Variants in KBTBD13 observed in about 807,000 individuals in gnomAD.
KBTBD13 encodes the protein kelch repeat and BTB domain containing 13, also known as kelch repeat and BTB domain-containing protein 13.
In KBTBD13, 32 loss-of-function variants were observed where a neutral mutation model predicts 25.4. The ratio of observed to expected loss-of-function variants is 1.26; its 90% confidence interval spans 0.95 to 1.69. The LOEUF is 1.69. Among genes scored for constraint, KBTBD13 ranks in the 40% most tolerant of loss-of-function variants. The pLI is 0.00. For missense variants in KBTBD13, 898 were observed against 679.5 expected, an observed-to-expected ratio of 1.32 and a Z score of -3.57; for synonymous variants, 436 against 329.8, an observed-to-expected ratio of 1.32 and a Z score of -3.49.
chr15:65,078,133 C>A lies in KBTBD13; in HGVS notation c.1318C>A (p.Leu440Ile). Residue 440 changes from leucine (L) to isoleucine (I), a missense_variant, in exon 1 of 1, where the codon CTC becomes ATC. By Grantham distance (5) the Leu-to-Ile change is conservative (BLOSUM62 2). Transcript: ENST00000432196. The stretch of plus-strand genomic sequence containing the variant: ...GCGGCCCGGCTCCTTGCAGACCTTT[C>A]TCCTAAGGCTGCCTCCTGGCGCTCC... ...FPRPGSLQTF[L>I]LRLPPGAPGP... 6.4e-7 allele frequency: 1 copy of A among 1,555,720 alleles called. No individual in the cohort carries two copies. The highest frequency in any genetic ancestry group is 2.4e-5 in the East Asian group (1 of 42,020).
chr15:65,076,929 C>T lies in KBTBD13; in HGVS notation c.114C>T (p.Ser38=), dbSNP rs771263021. ...HCGFFRGLFR[S]GMRETRAAEV... ...GCTTCTTCCGAGGCCTCTTCCGCTC[C>T]GGCATGCGGGAGACCCGCGCAGCAG... Residue 38 remains serine, a synonymous_variant, in exon 1 of 1, where the codon TCC becomes TCT. Coordinates refer to ENST00000432196, the MANE Select transcript of KBTBD13 (RefSeq NM_001101362.3). The T allele has an allele frequency of 3.2e-6, 5 of 1,558,054 alleles. No individual in the cohort carries two copies. The highest frequency in any genetic ancestry group is 2.4e-5 in the East Asian group (1 of 42,422).
Position 65,078,330 on chromosome 15 carries a change from G to A in KBTBD13, c.*138G>A. The A allele has an allele frequency of 8.1e-7, 1 of 1,240,832 alleles. No homozygotes were observed. 76.9% of individuals were successfully genotyped at this position (1,240,832 alleles called of 1,614,324 possible). A position where few individuals can be genotyped will look rare whatever the true frequency, so the allele number is the denominator to read the frequency against. On this transcript the variant is annotated 3_prime_UTR_variant, in exon 1 of 1. Coordinates refer to ENST00000432196, the MANE Select transcript of KBTBD13 (RefSeq NM_001101362.3). ...CACCCAGGTTTGGTGCCTTCTGGTG[G>A]TGTGGACATGTTCAAGAAGCTCAGG...
chr15:65,077,456 TG>T lies in KBTBD13; in HGVS notation c.647del (p.Gly216AlafsTer10), dbSNP rs1566960092. On this transcript the variant is annotated frameshift_variant, in exon 1 of 1. Transcript: ENST00000432196. LOFTEE classifies it high-confidence loss of function. Reference protein sequence around the residue: ...VATLGNKLYIVGGVRGASKEV... With the variant: ...VATLGNKLYIXGGVRGASKEV... ...ACGCTGGGCAACAAGCTTTACATCGTGGGGGGCGTGCGCGGCGCCAGCAAGG... is the reference window on the plus strand; with the variant it reads ...ACGCTGGGCAACAAGCTTTACATCGTGGGGGCGTGCGCGGCGCCAGCAAGG... 3.3e-6 allele frequency: 5 copies of T among 1,525,552 alleles called. No individual in the cohort carries two copies. The highest frequency in any genetic ancestry group is 2.8e-5 in the African/African-American group (2 of 72,628). The allele number at this position is 1,525,552 out of a possible 1,614,324, so 94.5% of individuals were successfully genotyped here. A position where few individuals can be genotyped will look rare whatever the true frequency, so the allele number is the denominator to read the frequency against.
Position 65,076,970 on chromosome 15 carries a change from T to C in KBTBD13, c.155T>C (p.Val52Ala). Residue 52 changes from valine to alanine, a missense_variant, in exon 1 of 1, where the codon GTT becomes GCT. Val to Ala is a moderately conservative substitution (Grantham distance 64). Coordinates refer to ENST00000432196, the MANE Select transcript of KBTBD13 (RefSeq NM_001101362.3). Reference protein sequence around the residue: ...ETRAAEVRLGVLSAGGFRATL... With the variant: ...ETRAAEVRLGALSAGGFRATL... ...CGCGCAGCAGAGGTGCGCCTGGGCG[T>C]TCTGAGCGCGGGAGGTTTCCGCGCC... The C allele has an allele frequency of 2.6e-6, 4 of 1,544,998 alleles. No individual in the cohort carries two copies. Among genetic ancestry groups the C allele is most frequent in the South Asian group, 1.2e-5 (1 of 84,598 alleles).
rs1027726798 is a variant in KBTBD13 at position 65,076,961 on chromosome 15, G to T, written c.146G>T (p.Arg49Leu). Reference sequence around the variant, plus strand: ...CGGGAGACCCGCGCAGCAGAGGTGCGCCTGGGCGTTCTGAGCGCGGGAGGT... The same window carrying T: ...CGGGAGACCCGCGCAGCAGAGGTGCTCCTGGGCGTTCTGAGCGCGGGAGGT... ...GMRETRAAEV[R>L]LGVLSAGGFR... is the part of the protein sequence containing the mutation. The change falls in exon 1 of 1, where the codon CGC becomes CTC. Residue 49 changes from arginine to leucine, a missense_variant. By Grantham distance (102) the Arg-to-Leu change is moderately radical (BLOSUM62 -2). Coordinates refer to ENST00000432196, the MANE Select transcript of KBTBD13 (RefSeq NM_001101362.3). 1.0e-4 allele frequency: 162 copies of T among 1,549,228 alleles called. No homozygotes were observed. Among genetic ancestry groups the T allele is most frequent in the Non-Finnish European group, 1.4e-4 (157 of 1,154,700 alleles).
chr15:65,077,758 G>A lies in KBTBD13; in HGVS notation c.943G>A (p.Ala315Thr). 1 of 1,577,376 alleles carries A rather than the reference G, an allele frequency of 6.3e-7. No individual in the cohort carries two copies. Among genetic ancestry groups the A allele is most frequent in the Non-Finnish European group, 8.6e-7 (1 of 1,167,932 alleles). Residue 315 changes from alanine (A) to threonine (T), a missense_variant, in exon 1 of 1, where the codon GCC becomes ACC. Ala to Thr is a moderately conservative substitution (Grantham distance 58). Transcript: ENST00000432196. Reference protein sequence around the residue: ...GRLFVCLWRPADTTAVVEYAV... With the variant: ...GRLFVCLWRPTDTTAVVEYAV... ...TCTCTTCGTGTGCCTGTGGCGGCCG[G>A]CCGACACCACCGCCGTGGTGGAGTA...
rs1426391555 is a variant in KBTBD13 at position 65,077,411 on chromosome 15, C to T, written c.596C>T (p.Thr199Met). 24 of 1,526,234 alleles carry T rather than the reference C, an allele frequency of 1.6e-5. No individual in the cohort carries two copies. The highest frequency in any genetic ancestry group is 2.5e-5 in the East Asian group (1 of 40,396). The allele number at this position is 1,526,234 out of a possible 1,614,324, so 94.5% of individuals were successfully genotyped here. Residue 199 changes from threonine to methionine, a missense_variant, in exon 1 of 1, where the codon ACG becomes ATG. Physicochemically the swap from Thr to Met is moderately conservative, Grantham distance 81 (BLOSUM62 -1). Coordinates refer to ENST00000432196, the MANE Select transcript of KBTBD13 (RefSeq NM_001101362.3). ...TLAALPLEAS[T>M]LLAGVATLGN... ...GCTGCGCTGCCCCTGGAGGCCAGCA[C>T]GTTGCTGGCCGGGGTGGCCACGCTG...
In KBTBD13 at chr15:65,078,286, T is replaced by G; in HGVS notation, c.*94T>G. ...GCCGGCCTTAGAAGTAGCTGGCAAC[T>G]TCCCTCTTTCTACTGAGACACCCAG... On this transcript the variant is annotated 3_prime_UTR_variant, in exon 1 of 1. Coordinates refer to ENST00000432196, the MANE Select transcript of KBTBD13 (RefSeq NM_001101362.3). 6.9e-7 allele frequency: 1 copy of G among 1,454,712 alleles called. No individual in the cohort carries two copies. The highest frequency in any genetic ancestry group is 9.1e-7 in the Non-Finnish European group (1 of 1,101,738). The allele number at this position is 1,454,712 out of a possible 1,614,324, so 90.1% of individuals were successfully genotyped here. A position where few individuals can be genotyped will look rare whatever the true frequency, so the allele number is the denominator to read the frequency against.
Position 65,077,310 on chromosome 15 carries a change from C to G in KBTBD13, c.495C>G (p.Pro165=), listed in dbSNP as rs2086988697. ...ACGCGGCCGTGAGCACGCACACGCCCGCGCCCGGCTTCCTGGAGGACGCCT... is the reference window on the plus strand; with the variant it reads ...ACGCGGCCGTGAGCACGCACACGCCGGCGCCCGGCTTCCTGGAGGACGCCT... The part of the protein sequence containing the change: ...SSYAAVSTHT[P]APGFLEDASR... Residue 165 remains proline, a synonymous_variant, in exon 1 of 1, where the codon CCC becomes CCG. Transcript: ENST00000432196. 3 of 1,420,102 alleles carry G rather than the reference C, an allele frequency of 2.1e-6. No individual in the cohort carries two copies. The highest frequency in any genetic ancestry group is 3.0e-5 in the South Asian group (2 of 67,222). The allele number at this position is 1,420,102 out of a possible 1,614,324, so 88.0% of individuals were successfully genotyped here.
rs749128043 is a variant in KBTBD13, at chr15:65,078,124, C to T, written c.1309C>T (p.Gln437Ter). ...CGGCTTCCCGCGGCCCGGCTCCTTG[C>T]AGACCTTTCTCCTAAGGCTGCCTCC... ...KAGFPRPGSL[Q>*]TFLLRLPPGA... The change falls in exon 1 of 1, where the codon CAG becomes TAG. Residue 437 changes from glutamine to a stop codon, truncating the protein, a stop_gained. Coordinates refer to ENST00000432196, the MANE Select transcript of KBTBD13 (RefSeq NM_001101362.3). LOFTEE classifies it high-confidence loss of function. 1.9e-6 allele frequency: 3 copies of T among 1,563,504 alleles called. No homozygotes were observed. The highest frequency in any genetic ancestry group is 1.7e-4 in the Middle Eastern group (1 of 6,020).
At position 65,078,263 on chromosome 15, in the gene KBTBD13, C is replaced by T. The variant is rs886051337; in HGVS notation, c.*71C>T. The T allele has an allele frequency of 2.7e-6, 4 of 1,495,218 alleles. No homozygotes were observed. Among genetic ancestry groups the T allele is most frequent in the Non-Finnish European group, 3.6e-6 (4 of 1,124,910 alleles). 92.6% of individuals were successfully genotyped at this position (1,495,218 alleles called of 1,614,324 possible). On this transcript the variant is annotated 3_prime_UTR_variant, in exon 1 of 1. Transcript: ENST00000432196. ...TGAGCTATGGCTGAGTGTGTGAGGC[C>T]GGCCTTAGAAGTAGCTGGCAACTTC...
rs1197938590 is a variant in KBTBD13 at position 65,077,342 on chromosome 15, C to T, written c.527C>T (p.Thr176Met). 1.0e-5 allele frequency: 15 copies of T among 1,466,992 alleles called. No individual in the cohort carries two copies. Among genetic ancestry groups the T allele is most frequent in the Middle Eastern group, 1.9e-4 (1 of 5,238 alleles). 90.9% of individuals were successfully genotyped at this position (1,466,992 alleles called of 1,614,324 possible). ...APGFLEDASR[T>M]LCYLDEEEDA... ...GGCTTCCTGGAGGACGCCTCGCGCA[C>T]GCTGTGTTACCTGGACGAGGAAGAG... Residue 176 changes from threonine (T) to methionine (M), a missense_variant, in exon 1 of 1, where the codon ACG becomes ATG. Physicochemically the swap from Thr to Met is moderately conservative, Grantham distance 81. Transcript: ENST00000432196.
Position 65,076,988 on chromosome 15 carries a change from T to G in KBTBD13, c.173T>G (p.Phe58Cys). 1 of 1,535,940 alleles carries G rather than the reference T, an allele frequency of 6.5e-7. No individual in the cohort carries two copies. Among genetic ancestry groups the G allele is most frequent in the East Asian group, 2.4e-5 (1 of 40,942 alleles). The part of the protein sequence containing the change: ...VRLGVLSAGG[F>C]RATLQVLRGD... ...CTGGGCGTTCTGAGCGCGGGAGGTT[T>G]CCGCGCCACGCTGCAGGTGCTGCGC... The change falls in exon 1 of 1, where the codon TTC becomes TGC. Residue 58 changes from phenylalanine (F) to cysteine (C), a missense_variant. By Grantham distance (205) the Phe-to-Cys change is radical. Transcript: ENST00000432196.
rs1428865792 is a variant in KBTBD13 at position 65,077,925 on chromosome 15, C to T, written c.1110C>T (p.Asp370=). The change falls in exon 1 of 1, where the codon GAC becomes GAT. Residue 370 remains aspartate (D), a synonymous_variant. Transcript: ENST00000432196. ...ACGACTTCCTGCACTGCGCCATCGA[C>T]TGTCTCAACCTGGCCACGGGCCAGT... ...PSDDFLHCAI[D]CLNLATGQWT... is the part of the protein sequence containing the mutation. 1.1e-5 allele frequency: 18 copies of T among 1,611,888 alleles called. No homozygotes were observed. The highest frequency in any genetic ancestry group is 1.4e-5 in the Non-Finnish European group (16 of 1,179,814).
At position 65,077,570 on chromosome 15, in the gene KBTBD13, C is replaced by A; in HGVS notation, c.755C>A (p.Ala252Glu). The change falls in exon 1 of 1, where the codon GCG becomes GAG. Residue 252 changes from alanine to glutamate, a missense_variant. Transcript: ENST00000432196. ...PSPHQPRYDTALAGFDGRLYA... is the reference protein window; with the variant it reads ...PSPHQPRYDTELAGFDGRLYA... ...CCGCACCAGCCGCGCTATGACACAGCGCTGGCCGGCTTCGACGGCCGCCTC... is the reference window on the plus strand; with the variant it reads ...CCGCACCAGCCGCGCTATGACACAGAGCTGGCCGGCTTCGACGGCCGCCTC... The A allele has an allele frequency of 6.4e-7, 1 of 1,556,842 alleles. No homozygotes were observed.
rs1258831129 is a variant in KBTBD13, at chr15:65,077,041, G to T, written c.226G>T (p.Asp76Tyr). Residue 76 changes from aspartate (D) to tyrosine (Y), a missense_variant, in exon 1 of 1, where the codon GAC becomes TAC. Physicochemically the swap from Asp to Tyr is radical, Grantham distance 160 (BLOSUM62 -3). Coordinates refer to ENST00000432196, the MANE Select transcript of KBTBD13 (RefSeq NM_001101362.3). Reference sequence around the variant, plus strand: ...CGACCGGCCGGCGCTGGCGGCGGAGGACGAGCTGCTGCAGGCCGTGGAGTG... The same window carrying T: ...CGACCGGCCGGCGCTGGCGGCGGAGTACGAGCTGCTGCAGGCCGTGGAGTG... ...RGDRPALAAE[D>Y]ELLQAVECAA... 3 of 1,502,248 alleles carry T rather than the reference G, an allele frequency of 2.0e-6. No homozygotes were observed. Among genetic ancestry groups the T allele is most frequent in the South Asian group, 2.5e-5 (2 of 79,448 alleles). 93.1% of individuals were successfully genotyped at this position (1,502,248 alleles called of 1,614,324 possible). A position where few individuals can be genotyped will look rare whatever the true frequency, so the allele number is the denominator to read the frequency against.
At position 65,077,621 on chromosome 15, in the gene KBTBD13, G is replaced by A; in HGVS notation, c.806G>A (p.Arg269Lys). The part of the protein sequence containing the change: ...RLYAIGGEFQ[R>K]TPISSVERYD... ...TACGCCATCGGCGGCGAATTCCAGA[G>A]GACGCCCATCAGCTCCGTGGAGCGC... The change falls in exon 1 of 1, where the codon AGG becomes AAG. Residue 269 changes from arginine (R) to lysine (K), a missense_variant. Transcript: ENST00000432196. 2 of 1,587,958 alleles carry A rather than the reference G, an allele frequency of 1.3e-6. No individual in the cohort carries two copies. Among genetic ancestry groups the A allele is most frequent in the Non-Finnish European group, 1.7e-6 (2 of 1,173,722 alleles).
At position 65,078,451 on chromosome 15, in the gene KBTBD13, A is replaced by T. The variant is rs1451094116; in HGVS notation, c.*259A>T. Among the ~76,000 whole-genome samples the T allele has an allele frequency of 6.6e-6, 1 of 152,142 alleles. No individual in the cohort carries two copies. The highest frequency in any genetic ancestry group is 1.9e-4 in the East Asian group (1 of 5,190). ...GGTAGGGGGAGTTGGGATTTGAATA[A>T]TCCGGGCTTATATGTAATGGGCTAG... On this transcript the variant is annotated 3_prime_UTR_variant, in exon 1 of 1. Coordinates refer to ENST00000432196, the MANE Select transcript of KBTBD13 (RefSeq NM_001101362.3).
chr15:65,077,631 C>G lies in KBTBD13; in HGVS notation c.816C>G (p.Ile272Met), dbSNP rs780213660. The change falls in exon 1 of 1, where the codon ATC (isoleucine) becomes ATG (methionine). Residue 272 changes from isoleucine to methionine, a missense_variant. By Grantham distance (10) the Ile-to-Met change is conservative (BLOSUM62 1). Transcript: ENST00000432196. Reference protein sequence around the residue: ...AIGGEFQRTPISSVERYDPAA... With the variant: ...AIGGEFQRTPMSSVERYDPAA... ...GCGGCGAATTCCAGAGGACGCCCAT[C>G]AGCTCCGTGGAGCGCTACGACCCAG... is the stretch of plus-strand genomic sequence containing the variant. 1.9e-6 allele frequency: 3 copies of G among 1,590,494 alleles called. No individual in the cohort carries two copies. Among genetic ancestry groups the G allele is most frequent in the Non-Finnish European group, 2.6e-6 (3 of 1,174,772 alleles).
Sources: allele counts gnomAD v4.1 joint callset (sites outside exome capture counted in the v4.1 genomes callset), GRCh38; gene constraint gnomAD v4.1.1; transcripts MANE v1.5; gene names NCBI Gene and HGNC (gene_info 2026-07-23, HGNC 2026-07-21).